The following SLC24A3 variants were observed in gnomAD, a reference collection of about 807,000 sequenced individuals.
The protein encoded by SLC24A3 is sodium/potassium/calcium exchanger 3.
A neutral mutation model predicts 75.8 loss-of-function variants in SLC24A3; 28 were observed. The observed-to-expected ratio is 0.37, with a 90% confidence interval of 0.27 to 0.51. SLC24A3 has a LOEUF of 0.51. Among genes scored for constraint, SLC24A3 ranks in the 20% least tolerant of loss-of-function variants. The probability of loss-of-function intolerance (pLI) is 0.94; values close to 1 mark genes in which losing one functional copy is unlikely to be tolerated. For missense variants in SLC24A3, 663 were observed against 847.8 expected (o/e 0.78, Z 2.71); for synonymous variants, 372 against 334.1 (o/e 1.11, Z -1.24).
chr20:19,290,392 G>C (rs139068955), intron 2 of SLC24A3, among the ~76,000 whole-genome samples: 1,782 of 152,320 alleles, frequency 0.012, 17 homozygotes, highest in South Asian at 0.026. Flanking sequence ...CAAGGTGATA[G>C]TGTTAGAAGA....
intron 2 of SLC24A3, among the ~76,000 whole-genome samples, chr20:19,449,580 G>C (rs1282518298): frequency 6.6e-6 from 1 of 152,218 alleles, no homozygotes; most frequent in African/African-American, 2.4e-5. Flanking sequence ...TATGGCTCTT[G>C]AGCTAGGGTC....
In SLC24A3 at chr20:19,287,927, T is replaced by A. The variant is rs572608725; in HGVS notation, c.271+6840T>A. 5.9e-5 allele frequency among the ~76,000 whole-genome samples: 9 copies of A among 152,362 alleles called. No homozygotes were observed. In the South Asian group the frequency reaches 1.4e-3, roughly 25 times the overall value. ...ACCCTCTGTAAAATGCAAATTAAGA[T>A]GCCTTCTTCCCAGGCTTGTGGTAAT... On this transcript the variant is annotated intron_variant, in intron 2 of 16. Coordinates refer to ENST00000328041, the MANE Select transcript of SLC24A3 (RefSeq NM_020689.4).
chr20:19,572,119 T>C (rs914278992), intron 3 of SLC24A3, among the ~76,000 whole-genome samples: 2 of 152,116 alleles, frequency 1.3e-5, no homozygotes, highest in African/African-American at 4.8e-5. Flanking sequence ...GGAGGATCGC[T>C]TGAGTCCAGG....
At chr20:19,274,198 G>T (rs1396032071) in intron 1 of SLC24A3, among the ~76,000 whole-genome samples, 1 of 151,198 alleles carries the variant, frequency 6.6e-6, no homozygotes, top group Non-Finnish European at 1.5e-5. Context: ...GATTGCCGCC[G>T]CTGAGTTGGG....
intron 2 of SLC24A3, among the ~76,000 whole-genome samples, chr20:19,419,822 GT>G (rs571225238): frequency 0.15 from 20,886 of 136,548 alleles, 1,783 homozygotes; most frequent in East Asian, 0.38. Flanking sequence ...CGACAGCCAA[GT>G]TTTTTTTTTT....
intron 6 of SLC24A3, among the ~76,000 whole-genome samples, chr20:19,640,208 A>G (rs2032059765): frequency 6.6e-6 from 1 of 152,266 alleles, no homozygotes; most frequent in South Asian, 2.1e-4. Flanking sequence ...AGTAGCGGTA[A>G]TGCAGGCACA....
intron 3 of SLC24A3, among the ~76,000 whole-genome samples, chr20:19,549,825 T>A (rs190238734): frequency 3.2e-4 from 48 of 152,194 alleles, no homozygotes; most frequent in Admixed American, 5.2e-4. Context: ...CCTTTGACTC[T>A]TGAAAAAATT....
chr20:19,651,724 G>C (rs1182388147), intron 6 of SLC24A3, among the ~76,000 whole-genome samples: 1 of 151,970 alleles, frequency 6.6e-6, no homozygotes, highest in South Asian at 2.1e-4. Flanking sequence ...TGCCAGGCGT[G>C]GTGGTGGGCG....
At chr20:19,432,289 T>C (rs145452802) in intron 2 of SLC24A3, among the ~76,000 whole-genome samples, 1 of 145,102 alleles carries the variant, frequency 6.9e-6, no homozygotes. Context: ...TATATATATA[T>C]ATAAGATTAT....
At chr20:19,612,476 G>T (rs925103741) in intron 6 of SLC24A3, among the ~76,000 whole-genome samples, 8 of 152,146 alleles carry the variant, frequency 5.3e-5, no homozygotes, top group African/African-American at 1.9e-4. Context: ...TGTGTACCCT[G>T]ATGTGATCGT....
At chr20:19,366,320 G>GAAGTGAAAATTGTT (rs1985891087) in intron 2 of SLC24A3, among the ~76,000 whole-genome samples, 2 of 152,118 alleles carry the variant, frequency 1.3e-5, no homozygotes, top group Non-Finnish European at 2.9e-5. Context: ...AGTTATCCCA[G>GAAGTGAAAATTGTT]CCTTCTAGAA....
At chr20:19,252,129 T>G (rs926315333) in intron 1 of SLC24A3, among the ~76,000 whole-genome samples, 1 of 152,214 alleles carries the variant, frequency 6.6e-6, no homozygotes, top group African/African-American at 2.4e-5. Flanking sequence ...GTGTTGTGTG[T>G]AGCTCTTAGT....
chr20:19,696,553 A>T (rs946089527), intron 13 of SLC24A3: 3 of 415,500 alleles, frequency 7.2e-6, no homozygotes, highest in Admixed American at 7.6e-5. Context: ...CCGGAAGAGA[A>T]CAAGTGAAAA....
chr20:19,577,340 C>T (rs933255450), intron 3 of SLC24A3, among the ~76,000 whole-genome samples: 10 of 152,320 alleles, frequency 6.6e-5, no homozygotes, highest in Admixed American at 5.2e-4. Context: ...CAGGCATGAG[C>T]CACCGTGCCC....
chr20:19,291,818 A>C (rs1983948419), intron 2 of SLC24A3, among the ~76,000 whole-genome samples: 1 of 152,134 alleles, frequency 6.6e-6, no homozygotes, highest in Admixed American at 6.5e-5. Flanking sequence ...AGGGACACTG[A>C]TATGAAAAAA....
At chr20:19,689,182 TTA>T (rs2122127328) in intron 12 of SLC24A3, among the ~76,000 whole-genome samples, 1 of 152,284 alleles carries the variant, frequency 6.6e-6, no homozygotes, top group African/African-American at 2.4e-5. Flanking sequence ...CAAAGCAAAA[TTA>T]TGTTTTTTCT....
At chr20:19,331,885 C>G (rs931407198) in intron 2 of SLC24A3, among the ~76,000 whole-genome samples, 2 of 152,118 alleles carry the variant, frequency 1.3e-5, no homozygotes, top group South Asian at 4.1e-4. Context: ...CGATGGGAGG[C>G]GTCCTTTGGA....
intron 6 of SLC24A3, among the ~76,000 whole-genome samples, chr20:19,621,084 G>A (rs1384701059): frequency 2.0e-5 from 3 of 152,042 alleles, no homozygotes; most frequent in African/African-American, 4.8e-5. Flanking sequence ...TAGACTCTGC[G>A]CCCACACCAT....
intron 3 of SLC24A3, among the ~76,000 whole-genome samples, chr20:19,519,031 G>A (rs1312480326): frequency 1.3e-5 from 2 of 152,138 alleles, no homozygotes; most frequent in African/African-American, 4.8e-5. Context: ...GCCACCTCAG[G>A]CTTCCCCCAA....
Sources: allele counts gnomAD v4.1 joint callset (sites outside exome capture counted in the v4.1 genomes callset), GRCh38; gene constraint gnomAD v4.1.1; transcripts MANE v1.5; gene names NCBI Gene and HGNC (gene_info 2026-07-23, HGNC 2026-07-21).